TTC39C: variants seen among roughly 807,000 people sequenced by gnomAD.
The protein encoded by TTC39C is tetratricopeptide repeat domain 39C.
A neutral mutation model predicts 76.3 loss-of-function variants in TTC39C; 33 were observed. The observed-to-expected ratio is 0.43, with a 90% confidence interval of 0.33 to 0.58. TTC39C has a LOEUF of 0.58. Among genes scored for constraint, TTC39C ranks in the 20% least tolerant of loss-of-function variants. TTC39C has a pLI of 0.04. For synonymous variants in TTC39C, 254 were observed against 260.6 expected (o/e 0.97, Z 0.24); for missense variants, 595 against 701.4 (o/e 0.85, Z 1.71).
At chr18:24,076,137 C>T (rs865856733) in intron 4 of TTC39C, among the ~76,000 whole-genome samples, 5 of 152,098 alleles carry the variant, frequency 3.3e-5, no homozygotes, top group African/African-American at 1.2e-4. Flanking sequence ...CCACCAAGCC[C>T]GGCTAATTTT....
intron 1 of TTC39C, chr18:24,001,734 G>C (rs28719844): frequency 0.36 from 54,604 of 151,834 alleles, 11,151 homozygotes; most frequent in East Asian, 0.72. Flanking sequence ...CCAAGTTCAT[G>C]AAAATTGGAA....
chr18:24,050,164 C>T (rs926036847), intron 1 of TTC39C, among the ~76,000 whole-genome samples: 1 of 152,210 alleles, frequency 6.6e-6, no homozygotes, highest in East Asian at 1.9e-4. Flanking sequence ...TCCTGTTCAC[C>T]ATTTCTCCTT....
intron 1 of TTC39C, among the ~76,000 whole-genome samples, chr18:24,024,008 A>T (rs370327422): frequency 0.49 from 3,414 of 6,936 alleles, 952 homozygotes; most frequent in Non-Finnish European, 0.61. Context: ...ATATATATAT[A>T]TATATATATT....
intron 1 of TTC39C, among the ~76,000 whole-genome samples, chr18:24,061,949 T>C (rs1336617720): frequency 6.6e-6 from 1 of 152,138 alleles, no homozygotes; most frequent in Admixed American, 6.5e-5. Flanking sequence ...TAGGTCGAGC[T>C]CTTCTAACAG....
At chr18:24,027,039 C>T (rs1292247698) in intron 1 of TTC39C, among the ~76,000 whole-genome samples, 2 of 152,172 alleles carry the variant, frequency 1.3e-5, no homozygotes, top group African/African-American at 4.8e-5. Flanking sequence ...CACCTGTGAT[C>T]CTAGCACTTC....
chr18:24,088,836 C>T (rs1300132903), intron 6 of TTC39C, among the ~76,000 whole-genome samples: 2 of 152,200 alleles, frequency 1.3e-5, no homozygotes, highest in Non-Finnish European at 2.9e-5. Flanking sequence ...CCCTACGAAG[C>T]TCTGTGTGAA....
At chr18:24,092,957 C>T (rs556336090) in intron 6 of TTC39C, among the ~76,000 whole-genome samples, 16 of 152,232 alleles carry the variant, frequency 1.1e-4, no homozygotes, top group Admixed American at 9.8e-4. Context: ...AGTCCCAGCT[C>T]TTTGGAAGGC....
At chr18:24,130,522 C>T (rs2085113035) in intron 12 of TTC39C, 105 bp downstream of exon 12, 1 of 298,070 alleles carries the variant, frequency 3.4e-6, no homozygotes, top group Admixed American at 5.2e-5. Flanking sequence ...AAACTGAACA[C>T]AGTGTTCTTC....
chr18:24,081,071 T>C (rs1317317680), intron 5 of TTC39C, 132 bp downstream of exon 5: 2 of 765,388 alleles, frequency 2.6e-6, no homozygotes, highest in Admixed American at 5.9e-5. Flanking sequence ...CTTATGTCTT[T>C]CAATGCAACA....
intron 1 of TTC39C, among the ~76,000 whole-genome samples, chr18:24,020,842 T>TC (rs1177786399): frequency 1.3e-5 from 2 of 152,204 alleles, no homozygotes; most frequent in Non-Finnish European, 2.9e-5. Flanking sequence ...TTACCTTTTT[T>TC]CCCCTCATTT....
chr18:23,994,995 G>A (rs1484396670), intron 1 of TTC39C, among the ~76,000 whole-genome samples: 1 of 152,004 alleles, frequency 6.6e-6, no homozygotes, highest in Non-Finnish European at 1.5e-5. Context: ...TGTGTGTATA[G>A]TTCTCTGTCA....
At chr18:24,027,345 A>G (rs776889417) in intron 1 of TTC39C, among the ~76,000 whole-genome samples, 1 of 151,932 alleles carries the variant, frequency 6.6e-6, no homozygotes, top group Non-Finnish European at 1.5e-5. Flanking sequence ...TTCCAGTAGA[A>G]TGAGTCACTG....
chr18:24,032,986 C>T (rs1472493649), intron 1 of TTC39C, among the ~76,000 whole-genome samples: 1 of 152,240 alleles, frequency 6.6e-6, no homozygotes, highest in East Asian at 1.9e-4. Flanking sequence ...GGTGCAGTGG[C>T]TCACACTTGT....
At chr18:24,022,825 A>C in intron 1 of TTC39C, 1 of 985,368 alleles carries the variant, frequency 1.0e-6, no homozygotes, top group Non-Finnish European at 1.2e-6. Context: ...GTTGTGCTGG[A>C]ATATTTTACG....
chr18:24,045,897 A>ATATATATATGTATATGTATATG (rs1442887624), intron 1 of TTC39C, among the ~76,000 whole-genome samples: 4 of 41,428 alleles, frequency 9.7e-5, no homozygotes, highest in African/African-American at 5.4e-4. Flanking sequence ...GTGAAAATAT[A>ATATATATATGTATATGTATATG]TATATATATA....
At chr18:24,062,787 A>G (rs1351896625) in intron 1 of TTC39C, among the ~76,000 whole-genome samples, 1 of 152,210 alleles carries the variant, frequency 6.6e-6, no homozygotes, top group Non-Finnish European at 1.5e-5. Flanking sequence ...ACACACACAC[A>G]GTGTACCAGG....
chr18:24,024,012 A>ATTTTTTTTTT lies in TTC39C; in HGVS notation c.167+8975_167+8976insTTTTTTTTTT, dbSNP rs1568409158. Among the ~76,000 whole-genome samples the ATTTTTTTTTT allele has an allele frequency of 9.6e-4, 6 of 6,268 alleles. 2 individuals carry two copies. The highest frequency in any genetic ancestry group is 5.6e-4 in the Non-Finnish European group (2 of 3,594). The allele number at this position is 6,268 out of a possible 152,430, so 4.1% of individuals were successfully genotyped here. A position where few individuals can be genotyped will look rare whatever the true frequency, so the allele number is the denominator to read the frequency against. On this transcript the variant is annotated intron_variant, in intron 1 of 13. Coordinates refer to ENST00000317571, the MANE Select transcript of TTC39C (RefSeq NM_001135993.2). ...TATATATATATATATATATATATATATATATTTTTTTTTTTTTTTGAGACG... is the reference window on the plus strand; with the variant it reads ...TATATATATATATATATATATATATATTTTTTTTTTTATATTTTTTTTTTTTTTTGAGACG...
chr18:24,097,313 C>T (rs111960840), intron 6 of TTC39C, among the ~76,000 whole-genome samples: 10 of 152,348 alleles, frequency 6.6e-5, no homozygotes, highest in African/African-American at 2.4e-4. Flanking sequence ...AGGCCACTCC[C>T]ACCTCTTTGT....
Position 24,128,989 on chromosome 18 carries a change from C to G in TTC39C, c.1518+6C>G. ...ACTCAGAAGATGCTGTTCAGGTAAACTGTTAATGTTGTCAGGGCTAAAGAA... is the reference window on the plus strand; with the variant it reads ...ACTCAGAAGATGCTGTTCAGGTAAAGTGTTAATGTTGTCAGGGCTAAAGAA... On this transcript the variant is annotated splice_donor_region_variant and intron_variant, in intron 11 of 13. Transcript: ENST00000317571. 6.2e-7 allele frequency: 1 copy of G among 1,610,116 alleles called. No individual in the cohort carries two copies. The highest frequency in any genetic ancestry group is 8.5e-7 in the Non-Finnish European group (1 of 1,177,424).
Sources: allele counts gnomAD v4.1 joint callset (sites outside exome capture counted in the v4.1 genomes callset), GRCh38; gene constraint gnomAD v4.1.1; transcripts MANE v1.5; gene names NCBI Gene and HGNC (gene_info 2026-07-23, HGNC 2026-07-21).